JARID2: variants seen among roughly 807,000 people sequenced by gnomAD.
JARID2 encodes the protein jumonji and AT-rich interaction domain containing 2.
In JARID2, 21 loss-of-function variants were observed where a neutral mutation model predicts 125.6. That is an observed-to-expected ratio of 0.17 (90% CI 0.12 to 0.24). JARID2 has a LOEUF of 0.24. Among genes scored for constraint, JARID2 ranks in the 10% least tolerant of loss-of-function variants. JARID2 has a pLI of 1.00. For synonymous variants in JARID2, 736 were observed against 661.6 expected (o/e 1.11, Z -1.73); for missense variants, 1,303 against 1,639.6 (o/e 0.79, Z 3.55).
intron 16 of JARID2, among the ~76,000 whole-genome samples, chr6:15,514,440 C>T (rs949143236): frequency 1.3e-5 from 2 of 152,218 alleles, no homozygotes; most frequent in Non-Finnish European, 2.9e-5. Flanking sequence ...CCACAGGTGC[C>T]CCCTTCGGCT....
chr6:15,481,972 G>A (rs969951213), intron 5 of JARID2, among the ~76,000 whole-genome samples: 1 of 152,156 alleles, frequency 6.6e-6, no homozygotes, highest in Non-Finnish European at 1.5e-5. Context: ...CCGCTTTGCT[G>A]TCCATAGTAT....
intron 4 of JARID2, among the ~76,000 whole-genome samples, chr6:15,462,264 C>A (rs796273260): frequency 2.6e-5 from 4 of 152,314 alleles, no homozygotes; most frequent in African/African-American, 9.6e-5. Context: ...TTGGGAAATT[C>A]TGTTTTAATT....
At chr6:15,456,517 T>G (rs1768183508) in intron 4 of JARID2, among the ~76,000 whole-genome samples, 1 of 152,208 alleles carries the variant, frequency 6.6e-6, no homozygotes, top group Non-Finnish European at 1.5e-5. Flanking sequence ...AATATTGTAC[T>G]GTTTTGCTAT....
At chr6:15,324,007 C>T (rs993013521) in intron 1 of JARID2, among the ~76,000 whole-genome samples, 1 of 149,102 alleles carries the variant, frequency 6.7e-6, no homozygotes, top group Non-Finnish European at 1.5e-5. Context: ...ATGGTGAAAC[C>T]CTGTCTCTAC....
intron 1 of JARID2, among the ~76,000 whole-genome samples, chr6:15,265,443 A>T (rs1484854054): frequency 6.6e-6 from 1 of 152,082 alleles, no homozygotes; most frequent in Non-Finnish European, 1.5e-5. Flanking sequence ...AGCCTTAATC[A>T]TCCTCCCAGC....
chr6:15,502,891 T>C (rs1359766343), intron 8 of JARID2, among the ~76,000 whole-genome samples: 2 of 152,238 alleles, frequency 1.3e-5, no homozygotes, highest in Non-Finnish European at 2.9e-5. Context: ...CTTTATTTGG[T>C]GTTTCCTGAA....
At chr6:15,280,296 G>A (rs926126845) in intron 1 of JARID2, among the ~76,000 whole-genome samples, 5 of 152,024 alleles carry the variant, frequency 3.3e-5, no homozygotes, top group African/African-American at 1.2e-4. Flanking sequence ...AAATTCGTTC[G>A]AGTTAAACTA....
At chr6:15,500,173 T>C (rs11968665) in intron 7 of JARID2, among the ~76,000 whole-genome samples, 3,267 of 152,260 alleles carry the variant, frequency 0.021, 121 homozygotes, top group African/African-American at 0.073. Flanking sequence ...TGCCCAGGTT[T>C]GATGTGCATT....
At chr6:15,368,367 T>C (rs1366182067) in intron 1 of JARID2, among the ~76,000 whole-genome samples, 1 of 152,202 alleles carries the variant, frequency 6.6e-6, no homozygotes, top group Non-Finnish European at 1.5e-5. Context: ...GGTGATGCAA[T>C]ACTTTTACTT....
chr6:15,476,593 A>G (rs183338969), intron 5 of JARID2, among the ~76,000 whole-genome samples: 1 of 152,232 alleles, frequency 6.6e-6, no homozygotes, highest in Non-Finnish European at 1.5e-5. Flanking sequence ...TTATTAAAAT[A>G]TATAATCTGA....
At chr6:15,498,997 C>CA (rs1770598516) in intron 7 of JARID2, among the ~76,000 whole-genome samples, 1 of 152,214 alleles carries the variant, frequency 6.6e-6, no homozygotes, top group African/African-American at 2.4e-5. Flanking sequence ...ATCGTAGTGA[C>CA]AGCGCCTTTT....
At chr6:15,296,112 A>G (rs1161726763) in intron 1 of JARID2, among the ~76,000 whole-genome samples, 1 of 152,232 alleles carries the variant, frequency 6.6e-6, no homozygotes, top group African/African-American at 2.4e-5. Flanking sequence ...GCTTCTTCTC[A>G]ACCCAGAAAA....
intron 1 of JARID2, among the ~76,000 whole-genome samples, chr6:15,281,431 G>C (rs1760745553): frequency 6.6e-6 from 1 of 152,218 alleles, no homozygotes; most frequent in Non-Finnish European, 1.5e-5. Flanking sequence ...GAAATGTTCA[G>C]AGCAAAATCT....
At chr6:15,281,026 A>C (rs909779215) in intron 1 of JARID2, among the ~76,000 whole-genome samples, 7 of 152,190 alleles carry the variant, frequency 4.6e-5, no homozygotes, top group Non-Finnish European at 8.8e-5. Flanking sequence ...AGCAGGTATC[A>C]CACCGTGCCG....
intron 3 of JARID2, among the ~76,000 whole-genome samples, chr6:15,443,230 G>A (rs2299047): frequency 0.17 from 25,738 of 152,096 alleles, 2,264 homozygotes; most frequent in Middle Eastern, 0.24. Context: ...TTGTCCTTGG[G>A]CTGGCTTCTT....
chr6:15,445,088 G>C (rs528120010), intron 3 of JARID2, among the ~76,000 whole-genome samples: 64 of 152,254 alleles, frequency 4.2e-4, no homozygotes, highest in African/African-American at 1.5e-3. Context: ...CCTAGAGATT[G>C]AGTGCACAGA....
At chr6:15,474,377 A>G (rs1195738926) in intron 5 of JARID2, among the ~76,000 whole-genome samples, 2 of 151,754 alleles carry the variant, frequency 1.3e-5, no homozygotes, top group Non-Finnish European at 2.9e-5. Context: ...CTCAATATGC[A>G]TATTTGTTGT....
At chr6:15,369,325 T>C (rs1375656412) in intron 1 of JARID2, 2 of 473,296 alleles carry the variant, frequency 4.2e-6, no homozygotes, top group Admixed American at 2.2e-5. Context: ...AAAAAAATTA[T>C]GACCATATAC....
Position 15,487,521 on chromosome 6 carries a change from G to A in JARID2, c.885G>A (p.Ser295=), listed in dbSNP as rs1394918907. 10 of 1,609,264 alleles carry A rather than the reference G, an allele frequency of 6.2e-6. No individual in the cohort carries two copies. Among genetic ancestry groups the A allele is most frequent in the African/African-American group, 1.3e-5 (1 of 74,766 alleles). The change falls in exon 6 of 18, where the codon TCG becomes TCA. Residue 295 remains serine (S), a synonymous_variant. Transcript: ENST00000341776. ...ATCACCACCCCCCTCTGCATCGGTCGGCTCAGGACTTACGGAAACAGGTAA... is the reference window on the plus strand; with the variant it reads ...ATCACCACCCCCCTCTGCATCGGTCAGCTCAGGACTTACGGAAACAGGTAA... ...ATHHHPPLHR[S]AQDLRKQVSK... is the part of the protein sequence containing the mutation.
Sources: gnomAD v4.1 joint callset for allele counts (sites outside exome capture counted in the v4.1 genomes callset) on GRCh38, gnomAD v4.1.1 for gene constraint, MANE v1.5 for transcripts, NCBI Gene and HGNC (gene_info 2026-07-23, HGNC 2026-07-21) for gene names.